ABCA4: variants seen among roughly 807,000 people sequenced by gnomAD.
ABCA4 encodes ATP binding cassette subfamily A member 4, also known as retinal-specific phospholipid-transporting ATPase ABCA4.
Under a neutral mutation model 263.7 loss-of-function variants are expected in ABCA4, and 196 were observed. The ratio of observed to expected loss-of-function variants is 0.74; its 90% CI spans 0.66 to 0.84. ABCA4 has a LOEUF of 0.84. Ranked by LOEUF, ABCA4 falls within the 40% of genes least tolerant of loss-of-function variation. ABCA4 has a pLI of 0.00. For missense variants in ABCA4, 2,792 were observed against 2,855.1 expected (o/e 0.98, Z 0.50); for synonymous variants, 1,133 against 1,094.2 (o/e 1.04, Z -0.70).
intron 41 of ABCA4, among the ~76,000 whole-genome samples, chr1:94,008,521 G>A (rs1235502444): frequency 6.6e-6 from 1 of 152,242 alleles, no homozygotes; most frequent in African/African-American, 2.4e-5. Flanking sequence ...CTCAGCTGGA[G>A]TGATTCTCAC....
At chr1:94,007,588 A>C in intron 43 of ABCA4, 46 bp downstream of exon 43, 1 of 1,511,458 alleles carries the variant, frequency 6.6e-7, no homozygotes, top group South Asian at 1.1e-5. Flanking sequence ...TTCTTCTCAC[A>C]GGACCTGTGA....
chr1:94,108,851 C>A (rs1309950858), intron 3 of ABCA4, 135 bp from the exon 4 acceptor site: 8 of 1,112,822 alleles, frequency 7.2e-6, no homozygotes, highest in Non-Finnish European at 1.0e-5. Context: ...CGGCTCACTG[C>A]AAGCTCTGCC....
At chr1:94,022,381 C>T (rs1269107159) in intron 32 of ABCA4, among the ~76,000 whole-genome samples, 1 of 152,212 alleles carries the variant, frequency 6.6e-6, no homozygotes, top group Non-Finnish European at 1.5e-5. Flanking sequence ...CACATGTCAT[C>T]TCCTCCCATC....
chr1:94,074,545 C>CA (rs1661487765), intron 11 of ABCA4, among the ~76,000 whole-genome samples: 1 of 152,162 alleles, frequency 6.6e-6, no homozygotes, highest in African/African-American at 2.4e-5. Context: ...TTCTGCACAG[C>CA]AAAAGAAACT....
At position 94,079,247 on chromosome 1, in the gene ABCA4, T is replaced by TCTCA; in HGVS notation, c.1239+71_1239+74dup. 5.8e-6 allele frequency: 9 copies of TCTCA among 1,559,210 alleles called. No homozygotes were observed. In the South Asian group the frequency reaches 1.0e-4, roughly 17 times the overall value. ...ATGTGCTACCAGGAAGGCACATCTC[T>TCTCA]CTCACACACACACACACACACACAC... On this transcript the variant is annotated intron_variant, in intron 9 of 49. Coordinates refer to ENST00000370225, the MANE Select transcript of ABCA4 (RefSeq NM_000350.3).
At position 94,031,207 on chromosome 1, in the gene ABCA4, C is replaced by T. The variant is rs938137230; in HGVS notation, c.4129-87G>A. 2.6e-6 allele frequency: 4 copies of T among 1,552,698 alleles called. No individual in the cohort carries two copies. In the Admixed American group the frequency reaches 5.5e-5, roughly 21 times the overall value. On this transcript the variant is annotated intron_variant, in intron 27 of 49. Coordinates refer to ENST00000370225, the MANE Select transcript of ABCA4 (RefSeq NM_000350.3). ...GCACACACATCTTCATTCTTTTAAA[C>T]ATTTATCCTGCAGCCTCCTAATCAG... is the stretch of plus-strand genomic sequence containing the variant.
rs1212107732 is a variant in ABCA4 at position 94,033,829 on chromosome 1, C to T, written c.3863-1786G>A. Among the ~76,000 whole-genome samples, 3 of 152,152 alleles carry T rather than the reference C, an allele frequency of 2.0e-5. No homozygotes were observed. The South Asian group carries it at 6.2e-4, about 32-fold the overall frequency. ...GGTTCTCGGTGCCAGAGCCCCAGTT[C>T]TGCAGGCTCCTTCTCCTGATCCGGG... On this transcript the variant is annotated intron_variant, in intron 26 of 49. Transcript: ENST00000370225.
chr1:94,043,027 T>C, intron 21 of ABCA4, 129 bp from the exon 22 acceptor site: 1 of 1,374,852 alleles, frequency 7.3e-7, no homozygotes, highest in Non-Finnish European at 1.0e-6. Flanking sequence ...TAGATGTTTA[T>C]AGCGTTCAAA....
At chr1:94,041,479 C>T (rs1328726582) in intron 22 of ABCA4, 77 bp from the exon 23 acceptor site, 7 of 1,527,492 alleles carry the variant, frequency 4.6e-6, no homozygotes, top group African/African-American at 1.4e-5. Flanking sequence ...ACAGCAATTT[C>T]CTGGCTATAT....
intron 11 of ABCA4, among the ~76,000 whole-genome samples, chr1:94,066,698 G>A (rs1450921968): frequency 6.6e-6 from 1 of 152,238 alleles, no homozygotes; most frequent in Non-Finnish European, 1.5e-5. Context: ...TGAGCCTGCA[G>A]AGTGCCATGG....
intron 47 of ABCA4, among the ~76,000 whole-genome samples, chr1:93,998,878 A>G (rs1311686640): frequency 6.7e-6 from 1 of 149,708 alleles, no homozygotes; most frequent in African/African-American, 2.5e-5. Flanking sequence ...GGCTGGAACT[A>G]CAGGCACCTG....
chr1:94,085,773 T>C (rs972265750), intron 6 of ABCA4, among the ~76,000 whole-genome samples: 11 of 152,206 alleles, frequency 7.2e-5, no homozygotes, highest in African/African-American at 1.7e-4. Context: ...GACTTCTTTT[T>C]ATGTCTGCTC....
At chr1:94,065,304 T>C (rs1438535589) in intron 11 of ABCA4, among the ~76,000 whole-genome samples, 1 of 151,922 alleles carries the variant, frequency 6.6e-6, no homozygotes, top group African/African-American at 2.4e-5. Flanking sequence ...GTTCAACGAG[T>C]CTGAGTGACT....
At chr1:94,047,241 A>G in intron 18 of ABCA4, 148 bp from the exon 19 acceptor site, 1 of 829,690 alleles carries the variant, frequency 1.2e-6, no homozygotes, top group Non-Finnish European at 2.0e-6. Context: ...CTCCAGAATA[A>G]TAATAGTAAT....
chr1:94,000,677 G>A (rs918076641), intron 47 of ABCA4, among the ~76,000 whole-genome samples, 159 bp downstream of exon 47: 2 of 152,140 alleles, frequency 1.3e-5, no homozygotes, highest in Non-Finnish European at 2.9e-5. Context: ...CAGCATGATG[G>A]CCTTCTCCAT....
In ABCA4 at chr1:94,046,952, AG is replaced by A. The variant is rs61750203; in HGVS notation, c.2884del (p.Leu962TrpfsTer15). The stretch of plus-strand genomic sequence containing the variant: ...GGTTTTCCCAGCTCCATTGTGGCCC[AG>A]GAATGCGGTGATCTGGTTCTCGTAG... ...TFYENQITAF[L>X]GHNGAGKTTT... On this transcript the variant is annotated frameshift_variant, in exon 19 of 50. Transcript: ENST00000370225. LOFTEE classifies it high-confidence loss of function. The A allele has an allele frequency of 6.2e-7, 1 of 1,614,186 alleles. No homozygotes were observed. The highest frequency in any genetic ancestry group is 8.5e-7 in the Non-Finnish European group (1 of 1,180,036).
intron 45 of ABCA4, 155 bp downstream of exon 45, chr1:94,001,703 T>A: frequency 8.9e-7 from 1 of 1,127,784 alleles, no homozygotes; most frequent in Non-Finnish European, 1.3e-6. Flanking sequence ...AACCAAACAC[T>A]GGGCTGATCG....
intron 44 of ABCA4, among the ~76,000 whole-genome samples, chr1:94,004,512 A>G (rs1233178691): frequency 6.6e-6 from 1 of 152,236 alleles, no homozygotes; most frequent in African/African-American, 2.4e-5. Context: ...CCCAAGAATG[A>G]GGATATAGAG....
intron 11 of ABCA4, among the ~76,000 whole-genome samples, chr1:94,070,521 T>C (rs1355195137): frequency 6.6e-6 from 1 of 152,174 alleles, no homozygotes; most frequent in African/African-American, 2.4e-5. Context: ...CAGAGAAGCA[T>C]TTATGAGCGT....
Sources: allele counts gnomAD v4.1 joint callset (sites outside exome capture counted in the v4.1 genomes callset), GRCh38; gene constraint gnomAD v4.1.1; transcripts MANE v1.5; gene names NCBI Gene and HGNC (gene_info 2026-07-23, HGNC 2026-07-21).